The following GPHN variants were observed in gnomAD, a reference collection of about 807,000 sequenced individuals.
The protein encoded by GPHN is gephyrin.
Under a neutral mutation model 95.5 loss-of-function variants are expected in GPHN, and 17 were observed. The ratio of observed to expected loss-of-function variants is 0.18; its 90% confidence interval spans 0.12 to 0.27. The LOEUF (loss-of-function observed/expected upper bound fraction) is 0.27. Ranked by LOEUF, GPHN falls within the 10% of genes least tolerant of loss-of-function variation. The probability of loss-of-function intolerance (pLI) is 1.00; values close to 1 mark genes in which losing one functional copy is unlikely to be tolerated. For missense variants in GPHN, 660 were observed against 978.1 expected, an observed-to-expected ratio of 0.67 and a Z score of 4.34; for synonymous variants, 320 against 322.5, an observed-to-expected ratio of 0.99 and a Z score of 0.08.
At chr14:67,301,280 C>T in the GPHN span, 3 of 517,292 alleles carry the variant, frequency 5.8e-6, no homozygotes, top group African/African-American at 3.9e-5. Context: ...TTATTTCTTA[C>T]AAGTATTTTT....
the GPHN span, among the ~76,000 whole-genome samples, chr14:67,391,645 T>C: frequency 6.6e-6 from 1 of 152,310 alleles, no homozygotes; most frequent in Non-Finnish European, 1.5e-5. Flanking sequence ...GTATACAATA[T>C]GTGCACAAAC....
intron 1 of GPHN, among the ~76,000 whole-genome samples, chr14:66,605,679 G>C (rs985782161): frequency 5.3e-5 from 8 of 151,740 alleles, no homozygotes; most frequent in African/African-American, 1.9e-4. Context: ...ATAGGTGCCT[G>C]CCACCAAGCC....
chr14:67,281,569 C>A, the GPHN span, among the ~76,000 whole-genome samples: 1 of 151,996 alleles, frequency 6.6e-6, no homozygotes, highest in Non-Finnish European at 1.5e-5. Context: ...TTTGTTATAT[C>A]CAGTGCAAAC....
At chr14:67,340,820 C>G in the GPHN span, among the ~76,000 whole-genome samples, 19 of 152,136 alleles carry the variant, frequency 1.2e-4, no homozygotes, top group African/African-American at 4.6e-4. Flanking sequence ...ATTGCAGGCG[C>G]GTGCCGCCAC....
chr14:67,531,978 T>G, the GPHN span, among the ~76,000 whole-genome samples: 1 of 151,136 alleles, frequency 6.6e-6, no homozygotes, highest in Non-Finnish European at 1.5e-5. Flanking sequence ...AGAGAACGTG[T>G]TTTTGGGCTT....
At chr14:67,245,904 G>A in the GPHN span, among the ~76,000 whole-genome samples, 1 of 151,590 alleles carries the variant, frequency 6.6e-6, no homozygotes, top group African/African-American at 2.4e-5. Flanking sequence ...TTTATTTTTA[G>A]ATCTATGTTC....
the GPHN span, among the ~76,000 whole-genome samples, chr14:67,400,936 G>A: frequency 6.6e-6 from 1 of 151,808 alleles, no homozygotes; most frequent in Non-Finnish European, 1.5e-5. Flanking sequence ...GCTATAGTGA[G>A]CTATGATCAC....
the GPHN span, among the ~76,000 whole-genome samples, chr14:67,583,501 ACTTCACCT>A: frequency 1.3e-5 from 2 of 152,166 alleles, no homozygotes; most frequent in South Asian, 4.1e-4. Context: ...TGGAAAAGGC[ACTTCACCT>A]CAGCTGCAAA....
intron 4 of GPHN, among the ~76,000 whole-genome samples, chr14:66,868,919 T>C (rs2063330654): frequency 1.3e-5 from 2 of 152,198 alleles, no homozygotes; most frequent in East Asian, 1.9e-4. Context: ...ATCACAATTA[T>C]GTGATTTTTC....
At chr14:66,604,732 A>G (rs1239230022) in intron 1 of GPHN, among the ~76,000 whole-genome samples, 1 of 152,120 alleles carries the variant, frequency 6.6e-6, no homozygotes, top group Non-Finnish European at 1.5e-5. Context: ...TCGGGGGTAC[A>G]TGTACAGATT....
chr14:66,970,361 T>A (rs1228962779), intron 9 of GPHN, among the ~76,000 whole-genome samples: 1 of 152,238 alleles, frequency 6.6e-6, no homozygotes, highest in Admixed American at 6.5e-5. Context: ...GGGTTTTTAA[T>A]GTATGAGTCT....
intron 2 of GPHN, among the ~76,000 whole-genome samples, chr14:66,751,982 T>TA (rs2058382641): frequency 6.6e-6 from 1 of 152,156 alleles, no homozygotes; most frequent in South Asian, 2.1e-4. Context: ...CTGGATAACT[T>TA]ACTGCAGCTT....
intron 17 of GPHN, among the ~76,000 whole-genome samples, chr14:67,129,720 T>C (rs2153696487): frequency 6.6e-6 from 1 of 150,602 alleles, no homozygotes; most frequent in South Asian, 2.1e-4. Context: ...TTAGATATTT[T>C]CCCCCAATAG....
intron 6 of GPHN, among the ~76,000 whole-genome samples, chr14:66,916,711 A>G (rs1021737785): frequency 3.3e-5 from 5 of 152,138 alleles, no homozygotes; most frequent in Non-Finnish European, 5.9e-5. Flanking sequence ...AAACAAAGAC[A>G]CTGCTGTCAC....
chr14:66,575,806 G>T (rs1863913334), intron 1 of GPHN, among the ~76,000 whole-genome samples: 2 of 152,070 alleles, frequency 1.3e-5, no homozygotes, highest in South Asian at 4.2e-4. Context: ...ATCTACTGGG[G>T]TAGGCCTGGT....
intron 5 of GPHN, among the ~76,000 whole-genome samples, chr14:66,905,749 C>G (rs1056865413): frequency 2.0e-5 from 3 of 151,976 alleles, no homozygotes; most frequent in Admixed American, 6.6e-5. Context: ...CTTGGTAGTC[C>G]CCAGTGTCTA....
chr14:66,994,152 G>GTTCAAGACCA (rs748626485), intron 9 of GPHN, among the ~76,000 whole-genome samples: 156 of 152,180 alleles, frequency 1.0e-3, no homozygotes, highest in South Asian at 3.9e-3. Flanking sequence ...GGTCACCTGA[G>GTTCAAGACCA]GTCAGGAGTT....
At chr14:67,581,083 A>G in the GPHN span, 1 of 1,236,130 alleles carries the variant, frequency 8.1e-7, no homozygotes, top group Non-Finnish European at 1.2e-6. Flanking sequence ...AAGGGCTGCC[A>G]CTGGGTGCCA....
At chr14:67,311,370 A>G in the GPHN span, among the ~76,000 whole-genome samples, 17 of 151,902 alleles carry the variant, frequency 1.1e-4, no homozygotes, top group Non-Finnish European at 1.9e-4. Context: ...TGGACCTTGA[A>G]TTCTTAGACT....
Sources: allele counts gnomAD v4.1 joint callset (sites outside exome capture counted in the v4.1 genomes callset), GRCh38; gene constraint gnomAD v4.1.1; transcripts MANE v1.5; gene names NCBI Gene and HGNC (gene_info 2026-07-23, HGNC 2026-07-21).